Variants in RPL41 observed in about 807,000 individuals in gnomAD.
The protein encoded by RPL41 is ribosomal protein L41.
RPL41 carries 3 observed loss-of-function variants against 7.3 expected under a neutral mutation model. That is an observed-to-expected ratio of 0.41 (90% confidence interval 0.19 to 1.06). The LOEUF is 1.06. Among genes scored for constraint, RPL41 ranks in the 50% least tolerant of loss-of-function variants. The pLI is 0.32. For missense variants in RPL41, 13 were observed against 30.4 expected (o/e 0.43, Z 1.35); for synonymous variants, 9 against 7.4 (o/e 1.21, Z -0.34).
chr12:56,116,656 T>C lies in RPL41; in HGVS notation c.-132T>C, dbSNP rs551486916. 2.0e-5 allele frequency: 22 copies of C among 1,118,414 alleles called. No individual in the cohort carries two copies. Among genetic ancestry groups the C allele is most frequent in the Admixed American group, 3.5e-5 (2 of 57,050 alleles). The allele number at this position is 1,118,414 out of a possible 1,614,324, so 69.3% of individuals were successfully genotyped here. ...TTCTCTCGGCCTTAGCGCCATTTTT[T>C]TGGGTGAGTGTTTTTTGGTTCCTGC... On this transcript the variant is annotated 5_prime_UTR_variant, in exon 1 of 3. Coordinates refer to ENST00000546591, the MANE Select transcript of RPL41 (RefSeq NM_001035267.2).
rs1243157810 is a variant in RPL41 at position 56,116,762 on chromosome 12, T to G, written c.-26T>G. 6.2e-7 allele frequency: 1 copy of G among 1,613,940 alleles called. No individual in the cohort carries two copies. Among genetic ancestry groups the G allele is most frequent in the Middle Eastern group, 1.6e-4 (1 of 6,062 alleles). On this transcript the variant is annotated 5_prime_UTR_variant, in exon 1 of 3. Coordinates refer to ENST00000546591, the MANE Select transcript of RPL41 (RefSeq NM_001035267.2). ...CAGCAAACTAACTGTAGCCTTTCTC[T>G]CTTTCCCTGTAGAAACCTCTGCGCC...
rs903002806 is a variant in RPL41 at position 56,116,637 on chromosome 12, C to T, written c.-151C>T. 4.3e-6 allele frequency: 4 copies of T among 922,020 alleles called. No homozygotes were observed. The highest frequency in any genetic ancestry group is 1.9e-5 in the Admixed American group (1 of 53,806). 57.1% of individuals were successfully genotyped at this position (922,020 alleles called of 1,614,324 possible). On this transcript the variant is annotated 5_prime_UTR_variant, in exon 1 of 3. Transcript: ENST00000546591. ...CGTAGACGGAACTTCGCCTTTCTCT[C>T]GGCCTTAGCGCCATTTTTTTGGGTG...
chr12:56,117,035 TGTA>T (rs1869628510), intron 1 of RPL41, 151 bp from the exon 2 acceptor site: 1 of 1,180,352 alleles, frequency 8.5e-7, no homozygotes, highest in Non-Finnish European at 1.2e-6. Context: ...AAGTTACTGA[TGTA>T]GTTGTTACGA....
At position 56,117,775 on chromosome 12, in the gene RPL41, G is replaced by C; in HGVS notation, c.*251G>C. On this transcript the variant is annotated 3_prime_UTR_variant, in exon 3 of 3. Transcript: ENST00000546591. Reference sequence around the variant, plus strand: ...TATTTCTGTGTTTATTTGTGGCCGAGTGTAACAACCATATAATAAATCACC... The same window carrying C: ...TATTTCTGTGTTTATTTGTGGCCGACTGTAACAACCATATAATAAATCACC... 3 of 516,216 alleles carry C rather than the reference G, an allele frequency of 5.8e-6. No individual in the cohort carries two copies. The highest frequency in any genetic ancestry group is 1.1e-5 in the Non-Finnish European group (3 of 282,964). 32.0% of individuals were successfully genotyped at this position (516,216 alleles called of 1,614,324 possible).
chr12:56,116,971 A>ATGTCTATG, intron 1 of RPL41, 172 bp downstream of exon 1: 1 of 1,107,750 alleles, frequency 9.0e-7, no homozygotes, highest in Non-Finnish European at 1.4e-6. Flanking sequence ...CTATGGGTAG[A>ATGTCTATG]GAGGGTGGGC....
chr12:56,116,686 G>T lies in RPL41; in HGVS notation c.-102G>T. 7.1e-7 allele frequency: 1 copy of T among 1,415,016 alleles called. No individual in the cohort carries two copies. Among genetic ancestry groups the T allele is most frequent in the South Asian group, 1.2e-5 (1 of 86,600 alleles). 87.7% of individuals were successfully genotyped at this position (1,415,016 alleles called of 1,614,324 possible). A position where few individuals can be genotyped will look rare whatever the true frequency, so the allele number is the denominator to read the frequency against. On this transcript the variant is annotated 5_prime_UTR_variant, in exon 1 of 3. Transcript: ENST00000546591. ...TGAGTGTTTTTTGGTTCCTGCGTTG[G>T]GATTCCGTGTACAATCCATAGACAT...
chr12:56,117,363 T>G (rs531488044), intron 2 of RPL41, 119 bp from the exon 3 acceptor site: 2 of 1,404,180 alleles, frequency 1.4e-6, no homozygotes, highest in Non-Finnish European at 2.0e-6. Context: ...CAGAGAACGA[T>G]AGAACCGTAG....
rs532862802 is a variant in RPL41 at position 56,116,639 on chromosome 12, G to C, written c.-149G>C. 10 of 952,094 alleles carry C rather than the reference G, an allele frequency of 1.1e-5. No homozygotes were observed. The South Asian group carries it at 1.3e-4, about 13-fold the overall frequency. The allele number at this position is 952,094 out of a possible 1,614,324, so 59.0% of individuals were successfully genotyped here. On this transcript the variant is annotated 5_prime_UTR_variant, in exon 1 of 3. Transcript: ENST00000546591. ...TAGACGGAACTTCGCCTTTCTCTCG[G>C]CCTTAGCGCCATTTTTTTGGGTGAG...
In RPL41 at chr12:56,117,207, C is replaced by T. The variant is rs749544631; in HGVS notation, c.31C>T (p.Arg11Cys). Residue 11 changes from arginine (R) to cysteine (C), a missense_variant, in exon 2 of 3, where the codon CGC becomes TGC. Physicochemically the swap from Arg to Cys is radical, Grantham distance 180. Coordinates refer to ENST00000546591, the MANE Select transcript of RPL41 (RefSeq NM_001035267.2). MRAKWRKKRMRRLKRKRRKMR... is the reference protein window; with the variant it reads MRAKWRKKRMCRLKRKRRKMR... Reference sequence around the variant, plus strand: ...TTGCTAGTGGAGGAAGAAGCGAATGCGCAGGTACGTTGAGACTTTGCCAGC... The same window carrying T: ...TTGCTAGTGGAGGAAGAAGCGAATGTGCAGGTACGTTGAGACTTTGCCAGC... 11 of 1,593,874 alleles carry T rather than the reference C, an allele frequency of 6.9e-6. No individual in the cohort carries two copies. The highest frequency in any genetic ancestry group is 1.1e-5 in the South Asian group (1 of 87,246).
chr12:56,117,150 T>C (rs771887436), intron 1 of RPL41, 39 bp from the exon 2 acceptor site: 19 of 1,498,232 alleles, frequency 1.3e-5, no homozygotes, highest in Non-Finnish European at 1.7e-5. Flanking sequence ...TTTTTTTTTT[T>C]TTTTTTTTAA....
intron 1 of RPL41, 152 bp from the exon 2 acceptor site, chr12:56,117,037 T>C (rs1592238441): frequency 1.7e-6 from 2 of 1,188,660 alleles, no homozygotes; most frequent in Middle Eastern, 2.5e-4. Flanking sequence ...GTTACTGATG[T>C]AGTTGTTACG....
intron 1 of RPL41, 161 bp from the exon 2 acceptor site, chr12:56,117,028 T>C: frequency 8.7e-7 from 1 of 1,154,468 alleles, no homozygotes; most frequent in Non-Finnish European, 1.2e-6. Context: ...GGTGTCCAAG[T>C]TACTGATGTA....
chr12:56,117,901 C>A lies in RPL41; in HGVS notation c.*377C>A, dbSNP rs1031155838. On this transcript the variant is annotated 3_prime_UTR_variant, in exon 3 of 3. Transcript: ENST00000546591. ...TCTGTCATTAGAGTTTGCCCTGTCA[C>A]TACCTGTGCTATGGAGGGTATCAAA... 5.7e-6 allele frequency: 2 copies of A among 349,646 alleles called. No individual in the cohort carries two copies. The highest frequency in any genetic ancestry group is 4.0e-5 in the Admixed American group (1 of 25,026). The allele number at this position is 349,646 out of a possible 1,614,324, so 21.7% of individuals were successfully genotyped here.
chr12:56,117,461 A>G (rs1378532133), intron 2 of RPL41, 21 bp from the exon 3 acceptor site: 2 of 1,552,966 alleles, frequency 1.3e-6, no homozygotes, highest in South Asian at 1.2e-5. Flanking sequence ...GGTGTATTCC[A>G]TTCCTGTGTC....
chr12:56,117,298 T>A, intron 2 of RPL41, 87 bp downstream of exon 2: 1 of 1,525,608 alleles, frequency 6.6e-7, no homozygotes, highest in Non-Finnish European at 8.9e-7. Context: ...TCTTAAAAGA[T>A]CTTTAGGAGA....
chr12:56,117,214 A>G lies in RPL41; in HGVS notation c.35+3A>G. On this transcript the variant is annotated splice_donor_region_variant and intron_variant, in intron 2 of 2. Coordinates refer to ENST00000546591, the MANE Select transcript of RPL41 (RefSeq NM_001035267.2). ...TGGAGGAAGAAGCGAATGCGCAGGT[A>G]CGTTGAGACTTTGCCAGCCCAGGAG... 1 of 1,598,498 alleles carries G rather than the reference A, an allele frequency of 6.3e-7. No homozygotes were observed. Among genetic ancestry groups the G allele is most frequent in the Non-Finnish European group, 8.5e-7 (1 of 1,176,218 alleles).
rs1267073419 is a variant in RPL41, at chr12:56,117,528, G to T, written c.*4G>T. The T allele has an allele frequency of 3.4e-5, 52 of 1,550,988 alleles. No homozygotes were observed. Among genetic ancestry groups the T allele is most frequent in the Non-Finnish European group, 4.4e-5 (50 of 1,146,316 alleles). On this transcript the variant is annotated 3_prime_UTR_variant, in exon 3 of 3. Coordinates refer to ENST00000546591, the MANE Select transcript of RPL41 (RefSeq NM_001035267.2). ...GATGAGGCAGAGGTCCAAGTAAACC[G>T]CTAGCTTGTTGCACCGTGGAGGCCA...
At position 56,117,223 on chromosome 12, in the gene RPL41, C is replaced by CTT. The variant is rs779718815; in HGVS notation, c.35+14_35+15dup. On this transcript the variant is annotated intron_variant, in intron 2 of 2. Coordinates refer to ENST00000546591, the MANE Select transcript of RPL41 (RefSeq NM_001035267.2). ...AAGCGAATGCGCAGGTACGTTGAGA[C>CTT]TTTGCCAGCCCAGGAGGAGGGAAGT... 3 of 1,594,358 alleles carry CTT rather than the reference C, an allele frequency of 1.9e-6. No homozygotes were observed. In the East Asian group the frequency reaches 6.7e-5, roughly 36 times the overall value.
intron 1 of RPL41, 117 bp downstream of exon 1, chr12:56,116,916 G>T: frequency 7.3e-7 from 1 of 1,362,482 alleles, no homozygotes; most frequent in African/African-American, 1.4e-5. Flanking sequence ...CCCAAGAGCT[G>T]GTGGGAGAGA....
Sources: allele counts gnomAD v4.1 joint callset, GRCh38; gene constraint gnomAD v4.1.1; transcripts MANE v1.5; gene names NCBI Gene and HGNC (gene_info 2026-07-23, HGNC 2026-07-21).